The following POM121C variants were observed in gnomAD, a reference collection of about 807,000 sequenced individuals.
POM121C encodes the protein POM121 transmembrane nucleoporin C.
A neutral mutation model predicts 66.4 loss-of-function variants in POM121C; 20 were observed. That is an observed-to-expected ratio of 0.30 (90% CI 0.21 to 0.44). The LOEUF is 0.44. Among genes scored for constraint, POM121C ranks in the 20% least tolerant of loss-of-function variants. The pLI is 1.00. For synonymous variants in POM121C, 286 were observed against 528.0 expected, an observed-to-expected ratio of 0.54 and a Z score of 6.28; for missense variants, 580 against 1,225.7, an observed-to-expected ratio of 0.47 and a Z score of 7.87.
At chr7:75,474,057 CAAGTT>C (rs1380359924) in intron 3 of POM121C, among the ~76,000 whole-genome samples, 1 of 152,164 alleles carries the variant, frequency 6.6e-6, no homozygotes, top group Non-Finnish European at 1.5e-5. Flanking sequence ...ATAAAAGTCT[CAAGTT>C]AATTTTTATG....
chr7:75,468,612 CCTGA>C (rs1249346507), intron 3 of POM121C, among the ~76,000 whole-genome samples: 3 of 152,158 alleles, frequency 2.0e-5, no homozygotes, highest in African/African-American at 7.2e-5. Context: ...AGCCAACACG[CCTGA>C]CTGACTCCAG....
chr7:75,428,821 A>T (rs1453484997), intron 7 of POM121C, among the ~76,000 whole-genome samples: 1 of 152,104 alleles, frequency 6.6e-6, no homozygotes, highest in Non-Finnish European at 1.5e-5. Context: ...CTCTACTAGA[A>T]ATACAAAAAT....
At chr7:75,478,350 A>G (rs1318215332) in intron 1 of POM121C, among the ~76,000 whole-genome samples, 1 of 152,130 alleles carries the variant, frequency 6.6e-6, no homozygotes, top group East Asian at 1.9e-4. Context: ...GAACCAATCA[A>G]CTTCTGCCTT....
intron 7 of POM121C, among the ~76,000 whole-genome samples, chr7:75,433,451 G>T (rs1790268907): frequency 6.6e-6 from 1 of 151,908 alleles, no homozygotes; most frequent in Non-Finnish European, 1.5e-5. Flanking sequence ...CGCCTCCCGG[G>T]TTCACGCCAT....
At chr7:75,466,957 G>A (rs1387994463) in intron 3 of POM121C, among the ~76,000 whole-genome samples, 8 of 152,294 alleles carry the variant, frequency 5.3e-5, no homozygotes, top group Admixed American at 4.6e-4. Context: ...GACAGAGCAG[G>A]GCCTGGGGCC....
intron 5 of POM121C, 109 bp downstream of exon 5, chr7:75,440,845 G>A (rs1403270145): frequency 1.9e-6 from 3 of 1,579,204 alleles, no homozygotes; most frequent in Non-Finnish European, 2.6e-6. Context: ...GGAGGCCTAT[G>A]AAGGCTCACA....
chr7:75,462,799 A>T (rs1791489448), intron 3 of POM121C, among the ~76,000 whole-genome samples: 1 of 151,894 alleles, frequency 6.6e-6, no homozygotes, highest in Non-Finnish European at 1.5e-5. Flanking sequence ...CAGTTGAGGC[A>T]AACTATAGGT....
intron 12 of POM121C, 141 bp downstream of exon 12, chr7:75,423,908 A>C: frequency 6.7e-7 from 1 of 1,488,790 alleles, no homozygotes. Flanking sequence ...TGTTAAACGT[A>C]GGCCCGCTCC....
chr7:75,440,614 C>T (rs1790607310), intron 5 of POM121C: 2 of 323,098 alleles, frequency 6.2e-6, no homozygotes, highest in African/African-American at 2.2e-5. Context: ...ACCCAAATAA[C>T]TGAACACCAC....
chr7:75,439,513 G>A (rs1444679764), intron 5 of POM121C, among the ~76,000 whole-genome samples: 2 of 152,120 alleles, frequency 1.3e-5, no homozygotes, highest in Admixed American at 6.6e-5. Context: ...AGCCTCCAGC[G>A]CAGCTGGGAC....
At chr7:75,484,719 A>G (rs1792450469) in intron 1 of POM121C, among the ~76,000 whole-genome samples, 1 of 151,842 alleles carries the variant, frequency 6.6e-6, no homozygotes, top group South Asian at 2.1e-4. Context: ...TGTAACTCTA[A>G]GATAATCAGG....
At chr7:75,478,543 G>A (rs1462539378) in intron 1 of POM121C, among the ~76,000 whole-genome samples, 12 of 150,800 alleles carry the variant, frequency 8.0e-5, no homozygotes, top group African/African-American at 1.7e-4. Flanking sequence ...AGAGTTCATC[G>A]TTCTATTCCA....
intron 10 of POM121C, chr7:75,424,854 G>A: frequency 1.9e-6 from 2 of 1,066,790 alleles, no homozygotes; most frequent in Non-Finnish European, 2.7e-6. Context: ...CAGCTACTTG[G>A]GAGGCTGAGG....
intron 11 of POM121C, 40 bp downstream of exon 11, chr7:75,424,486 C>T (rs183043016): frequency 2.9e-4 from 458 of 1,604,788 alleles, no homozygotes; most frequent in Middle Eastern, 1.8e-3. Flanking sequence ...AAAACAGACA[C>T]CTGAAACCTC....
In POM121C at chr7:75,486,137, C is replaced by T. The variant is rs1427607422; in HGVS notation, c.-731G>A. 1.2e-5 allele frequency: 4 copies of T among 336,470 alleles called. No individual in the cohort carries two copies. Among genetic ancestry groups the T allele is most frequent in the South Asian group, 2.2e-5 (1 of 45,912 alleles). The allele number at this position is 336,470 out of a possible 1,614,324, so 20.8% of individuals were successfully genotyped here. A position where few individuals can be genotyped will look rare whatever the true frequency, so the allele number is the denominator to read the frequency against. On this transcript the variant is annotated 5_prime_UTR_variant, in exon 1 of 15. Transcript: ENST00000615331. ...GGGGGTCCCAGCTCGAGCCTCTACC[C>T]GGCCCGCGCGAACCCTGGGCCGCAC... is the stretch of plus-strand genomic sequence containing the variant.
Position 75,422,060 on chromosome 7 carries a change from G to A in POM121C, c.2192C>T (p.Thr731Ile). 5 of 1,610,888 alleles carry A rather than the reference G, an allele frequency of 3.1e-6. No homozygotes were observed. Among genetic ancestry groups the A allele is most frequent in the Non-Finnish European group, 4.2e-6 (5 of 1,177,558 alleles). ...GGCCGGGGCTGCAGAGTTTCCAAAA[G>A]TGAAAGAGCTGCCAAAGCTGGGGGT... ...ALTPSFGSSF[T>I]FGNSAAPAPA... The change falls in exon 13 of 15, where the codon ACT becomes ATT. Residue 731 changes from threonine to isoleucine, a missense_variant. By Grantham distance (89) the Thr-to-Ile change is moderately conservative (BLOSUM62 -1). Coordinates refer to ENST00000615331, the MANE Select transcript of POM121C (RefSeq NM_001099415.3).
chr7:75,419,675 G>A lies in POM121C; in HGVS notation c.2744-233C>T, dbSNP rs1584640301. ...ATGGCCACGCCAGGGCAGAGAAAAA[G>A]CCCCCCTGCCCCGCAGCCACCTCGT... On this transcript the variant is annotated intron_variant, in intron 13 of 14. Transcript: ENST00000615331. The A allele has an allele frequency of 7.1e-5, 38 of 531,992 alleles. No homozygotes were observed. The East Asian group carries it at 1.3e-3, about 18-fold the overall frequency. 33.0% of individuals were successfully genotyped at this position (531,992 alleles called of 1,614,324 possible). A position where few individuals can be genotyped will look rare whatever the true frequency, so the allele number is the denominator to read the frequency against.
chr7:75,481,347 A>G (rs1707326920), intron 1 of POM121C, among the ~76,000 whole-genome samples: 2 of 151,900 alleles, frequency 1.3e-5, no homozygotes, highest in African/African-American at 4.8e-5. Flanking sequence ...CTGGCCAAAG[A>G]TGGAACCACT....
At chr7:75,483,426 A>G (rs1182201089) in intron 1 of POM121C, among the ~76,000 whole-genome samples, 1 of 151,992 alleles carries the variant, frequency 6.6e-6, no homozygotes, top group Non-Finnish European at 1.5e-5. Context: ...TGTAATCCCC[A>G]ATGTTCCCTC....
Sources: allele counts gnomAD v4.1 joint callset (sites outside exome capture counted in the v4.1 genomes callset), GRCh38; gene constraint gnomAD v4.1.1; transcripts MANE v1.5; gene names NCBI Gene and HGNC (gene_info 2026-07-23, HGNC 2026-07-21).